The following MAP3K4 variants were observed in gnomAD, a reference collection of about 807,000 sequenced individuals.
MAP3K4 encodes the protein mitogen-activated protein kinase kinase kinase 4.
Under a neutral mutation model 185.6 loss-of-function variants are expected in MAP3K4, and 67 were observed. That is an observed-to-expected ratio of 0.36 (90% CI 0.30 to 0.44). The LOEUF (loss-of-function observed/expected upper bound fraction) is 0.44, where lower values mean the gene tolerates loss of function less well. Among genes scored for constraint, MAP3K4 ranks in the 20% least tolerant of loss-of-function variants. The pLI, the probability that MAP3K4 is intolerant of heterozygous loss-of-function variation, is 1.00. For missense variants in MAP3K4, 1,551 were observed against 1,995.1 expected (o/e 0.78, Z 4.24); for synonymous variants, 702 against 710.4 (o/e 0.99, Z 0.19).
rs531769653 is a variant in MAP3K4 at position 161,110,443 on chromosome 6, G to A, written c.4396+529G>A. On this transcript the variant is annotated intron_variant, in intron 23 of 26. Coordinates refer to ENST00000392142, the MANE Select transcript of MAP3K4 (RefSeq NM_005922.4). This position sits in a 1 kb window ranked among gnomAD's most constrained non-coding sequence, Gnocchi z 4.8. Reference sequence around the variant, plus strand: ...TAAAAGTGCTCTTCTCATAGCACGAGGGGAATAGCTGGGCTTCTGTCTCAG... The same window carrying A: ...TAAAAGTGCTCTTCTCATAGCACGAAGGGAATAGCTGGGCTTCTGTCTCAG... Among the ~76,000 whole-genome samples, 5 of 152,354 alleles carry A rather than the reference G, an allele frequency of 3.3e-5. No homozygotes were observed. In the South Asian group the frequency reaches 1.0e-3, roughly 32 times the overall value.
intron 6 of MAP3K4, 31 bp downstream of exon 6, chr6:161,081,069 C>T (rs373104467): frequency 1.4e-5 from 23 of 1,605,178 alleles, no homozygotes; most frequent in Non-Finnish European, 1.9e-5. Flanking sequence ...GAACGCGACG[C>T]TCCCACCTTC....
chr6:161,055,820 G>A (rs190159765), intron 3 of MAP3K4, among the ~76,000 whole-genome samples: 1 of 152,122 alleles, frequency 6.6e-6, no homozygotes, highest in Admixed American at 6.5e-5. Flanking sequence ...GTTTCTCCAG[G>A]AGTTACTATT....
rs1232706518 is a variant in MAP3K4, at chr6:161,093,053, C to T, written c.3345C>T (p.Phe1115=). ...AFISALPEDD[F]LSLQALMNEC... ...TTTCAGCTTTACCAGAAGATGACTT[C>T]TTGGTATGGATTATTCTAAAGTTTT... The change falls in exon 14 of 27, where the codon TTC becomes TTT. Residue 1115 remains phenylalanine (F), a synonymous_variant. Coordinates refer to ENST00000392142, the MANE Select transcript of MAP3K4 (RefSeq NM_005922.4). The surrounding 1 kb of genome is among the most constrained non-coding windows in gnomAD (Gnocchi z 5.2). 2 of 1,606,954 alleles carry T rather than the reference C, an allele frequency of 1.2e-6. No individual in the cohort carries two copies. Among genetic ancestry groups the T allele is most frequent in the Non-Finnish European group, 8.5e-7 (1 of 1,174,040 alleles).
rs1785771033 is a variant in MAP3K4 at position 161,087,224 on chromosome 6, A to C, written c.2557-464A>C. 6.6e-6 allele frequency among the ~76,000 whole-genome samples: 1 copy of C among 152,194 alleles called. No individual in the cohort carries two copies. Among genetic ancestry groups the C allele is most frequent in the Admixed American group, 6.5e-5 (1 of 15,280 alleles). On this transcript the variant is annotated intron_variant, in intron 9 of 26. Transcript: ENST00000392142. This position sits in a 1 kb window ranked among gnomAD's most constrained non-coding sequence, Gnocchi z 4.9. The stretch of plus-strand genomic sequence containing the variant: ...GGGATGACCTGCAGCGTGCCACCAC[A>C]TGTGTACCCTTTGAGAAACTGATCT...
rs555062555 is a variant in MAP3K4, at chr6:160,992,817, A to AT, written c.152+744dup. ...TCTATTAACTTATTTTTATGTCTTT[A>AT]TTTTTTTTTTAATTGAGAGAACAAA... On this transcript the variant is annotated intron_variant, in intron 1 of 26. Transcript: ENST00000392142. Among the ~76,000 whole-genome samples, 28 of 149,390 alleles carry AT rather than the reference A, an allele frequency of 1.9e-4. No individual in the cohort carries two copies. In the South Asian group the frequency reaches 3.4e-3, roughly 18 times the overall value.
At chr6:161,058,199 G>A (rs866915986) in intron 3 of MAP3K4, among the ~76,000 whole-genome samples, 6 of 152,204 alleles carry the variant, frequency 3.9e-5, no homozygotes, top group African/African-American at 1.4e-4. Context: ...GTTACATTTT[G>A]TCCCACACAG....
At chr6:161,023,552 T>A (rs1166450918) in intron 1 of MAP3K4, among the ~76,000 whole-genome samples, 1 of 152,258 alleles carries the variant, frequency 6.6e-6, no homozygotes, top group Non-Finnish European at 1.5e-5. Flanking sequence ...TTGATCAGAC[T>A]CTGTTTATGG....
rs1227337289 is a variant in MAP3K4, at chr6:161,017,905, T to C, written c.153-16354T>C. Among the ~76,000 whole-genome samples the C allele has an allele frequency of 6.6e-6, 1 of 152,232 alleles. No homozygotes were observed. The highest frequency in any genetic ancestry group is 1.9e-4 in the East Asian group (1 of 5,202). On this transcript the variant is annotated intron_variant, in intron 1 of 26. Transcript: ENST00000392142. This position sits in a 1 kb window ranked among gnomAD's most constrained non-coding sequence, Gnocchi z 5.1. ...ACCCTAAAAATACACAGAACAGTTT[T>C]TTTAGATTAAAAAATATAAATATGC... is the stretch of plus-strand genomic sequence containing the variant.
rs371796263 is a variant in MAP3K4 at position 161,065,798 on chromosome 6, C to T, written c.1708-4810C>T. ...CTAAAAATACAAAAAATTAGTCTGG[C>T]GTGGTGGCGGGAGCCTGTAGTCCCA... On this transcript the variant is annotated intron_variant, in intron 3 of 26. Coordinates refer to ENST00000392142, the MANE Select transcript of MAP3K4 (RefSeq NM_005922.4). 1.6e-3 allele frequency among the ~76,000 whole-genome samples: 250 copies of T among 152,042 alleles called. 11 individuals are homozygous for T. The South Asian group carries it at 0.05, about 30-fold the overall frequency.
At chr6:161,010,188 G>A (rs2115075342) in intron 1 of MAP3K4, among the ~76,000 whole-genome samples, 1 of 152,140 alleles carries the variant, frequency 6.6e-6, no homozygotes, top group African/African-American at 2.4e-5. Flanking sequence ...TATTATCATA[G>A]GTATTCCATT....
rs998224903 is a variant in MAP3K4 at position 161,102,076 on chromosome 6, A to G, written c.3775+84A>G. Reference sequence around the variant, plus strand: ...ACCAGTTTCTGTTGTTAATGCCTTTATGAGGATTCCTTGAAGATTCCTTTT... The same window carrying G: ...ACCAGTTTCTGTTGTTAATGCCTTTGTGAGGATTCCTTGAAGATTCCTTTT... On this transcript the variant is annotated intron_variant, in intron 18 of 26. Coordinates refer to ENST00000392142, the MANE Select transcript of MAP3K4 (RefSeq NM_005922.4). 3 of 1,062,832 alleles carry G rather than the reference A, an allele frequency of 2.8e-6. No individual in the cohort carries two copies. In the African/African-American group the frequency reaches 4.8e-5, roughly 17 times the overall value. The allele number at this position is 1,062,832 out of a possible 1,614,324, so 65.8% of individuals were successfully genotyped here. A position where few individuals can be genotyped will look rare whatever the true frequency, so the allele number is the denominator to read the frequency against.
chr6:161,025,605 T>C (rs934052223), intron 1 of MAP3K4, among the ~76,000 whole-genome samples: 12 of 152,238 alleles, frequency 7.9e-5, no homozygotes, highest in Non-Finnish European at 1.2e-4. Context: ...AGGCAGCTCA[T>C]CTGTCCCCTA....
Position 161,048,853 on chromosome 6 carries a change from G to A in MAP3K4, c.581G>A (p.Ser194Asn). The A allele has an allele frequency of 6.2e-7, 1 of 1,614,182 alleles. No homozygotes were observed. Among genetic ancestry groups the A allele is most frequent in the Non-Finnish European group, 8.5e-7 (1 of 1,180,026 alleles). The change falls in exon 3 of 27, where the codon AGC becomes AAC. Residue 194 changes from serine to asparagine, a missense_variant. This residue lies in a region of MAP3K4 where 287 missense variants were observed against 268.8 expected (regional missense o/e 1.07). Transcript: ENST00000392142. This position sits in a 1 kb window ranked among gnomAD's most constrained non-coding sequence, Gnocchi z 4.7. ...LNKPYLSLGC[S>N]NAKLPVSVPM... ...AAGCCTTACCTCAGCCTTGGCTGTA[G>A]CAATGCTAAGCTTCCAGTATCTGTG...
chr6:161,003,606 G>C (rs1781434693), intron 1 of MAP3K4, among the ~76,000 whole-genome samples: 1 of 152,158 alleles, frequency 6.6e-6, no homozygotes, highest in Non-Finnish European at 1.5e-5. Flanking sequence ...CTTTGTTGAA[G>C]ACAGGCACTG....
rs920263874 is a variant in MAP3K4, at chr6:161,048,752, T to C, written c.480T>C (p.Asn160=). Residue 160 remains asparagine (N), a synonymous_variant, in exon 3 of 27, where the codon AAT becomes AAC. Transcript: ENST00000392142. The surrounding 1 kb of genome is among the most constrained non-coding windows in gnomAD (Gnocchi z 4.7). ...LRTTERDRKK[N]VQCSFMLDSV... The stretch of plus-strand genomic sequence containing the variant: ...CAACAGAGCGTGATCGTAAAAAAAA[T>C]GTACAGTGCTCATTCATGTTAGACT... The C allele has an allele frequency of 2.5e-6, 4 of 1,613,880 alleles. No homozygotes were observed. The highest frequency in any genetic ancestry group is 1.3e-5 in the African/African-American group (1 of 74,892).
chr6:161,070,182 G>A lies in MAP3K4; in HGVS notation c.1708-426G>A, dbSNP rs77956350. 0.023 allele frequency among the ~76,000 whole-genome samples: 3,454 copies of A among 152,268 alleles called. 137 individuals carry two copies. Among genetic ancestry groups the A allele is most frequent in the African/African-American group, 0.08 (3,313 of 41,520 alleles). On this transcript the variant is annotated intron_variant, in intron 3 of 26. Transcript: ENST00000392142. This position sits in a 1 kb window ranked among gnomAD's most constrained non-coding sequence, Gnocchi z 4.5. ...TTTCATAAATGGCTACTTAGGATGA[G>A]CTGTTATTTGATTTTGTAATGTTTT...
chr6:161,036,252 T>C (rs1340130603), intron 2 of MAP3K4, among the ~76,000 whole-genome samples: 1 of 152,210 alleles, frequency 6.6e-6, no homozygotes, highest in Non-Finnish European at 1.5e-5. Context: ...GATCATTTGC[T>C]CAAGTTCTTG....
intron 1 of MAP3K4, among the ~76,000 whole-genome samples, chr6:161,026,951 G>A (rs547783859): frequency 2.0e-4 from 30 of 151,700 alleles, no homozygotes; most frequent in African/African-American, 6.3e-4. Context: ...GGGCTAATTC[G>A]TCTCTTTATA....
intron 10 of MAP3K4, 127 bp from the exon 11 acceptor site, chr6:161,089,195 C>T (rs1785898460): frequency 1.9e-6 from 2 of 1,028,780 alleles, no homozygotes; most frequent in Non-Finnish European, 2.8e-6. Context: ...TTAAAAATGA[C>T]TTTCTGATTA....
Sources: gnomAD v4.1 joint callset for allele counts (sites outside exome capture counted in the v4.1 genomes callset) on GRCh38, gnomAD v4.1.1 for gene constraint, gnomAD v4.1.1 regional missense constraint, Gnocchi (gnomAD v3.1) non-coding constraint, MANE v1.5 for transcripts, NCBI Gene and HGNC (gene_info 2026-07-23, HGNC 2026-07-21) for gene names.